The following ZNF280D variants were observed in gnomAD, a reference collection of about 807,000 sequenced individuals.
ZNF280D encodes the protein suppressor of hairy wing homolog 4.
A neutral mutation model predicts 94.7 loss-of-function variants in ZNF280D; 39 were observed. The observed-to-expected ratio is 0.41, with a 90% CI of 0.32 to 0.54. The LOEUF (loss-of-function observed/expected upper bound fraction) is 0.54, where lower values mean the gene tolerates loss of function less well. ZNF280D is among the 20% of genes least tolerant of loss of function. The pLI is 0.22. For synonymous variants in ZNF280D, 398 were observed against 377.6 expected (o/e 1.05, Z -0.63); for missense variants, 1,090 against 1,149.3 (o/e 0.95, Z 0.75).
At chr15:56,719,683 G>A (rs1286199779) in intron 1 of ZNF280D, among the ~76,000 whole-genome samples, 1 of 151,942 alleles carries the variant, frequency 6.6e-6, no homozygotes, top group Non-Finnish European at 1.5e-5. Context: ...CTCAAATTCA[G>A]TACATGCACA....
intron 9 of ZNF280D, among the ~76,000 whole-genome samples, chr15:56,688,232 TCTGTAATC>T (rs2056166136): frequency 6.6e-6 from 1 of 151,924 alleles, no homozygotes; most frequent in South Asian, 2.1e-4. Context: ...AAGCTCAAAT[TCTGTAATC>T]CCAGCACTTT....
At chr15:56,721,525 G>C (rs1341821721) in intron 1 of ZNF280D, among the ~76,000 whole-genome samples, 1 of 152,094 alleles carries the variant, frequency 6.6e-6, no homozygotes, top group Non-Finnish European at 1.5e-5. Flanking sequence ...ATTATCTTAG[G>C]TAGATCTCAT....
intron 9 of ZNF280D, among the ~76,000 whole-genome samples, chr15:56,683,430 A>T (rs1012763690): frequency 2.0e-5 from 3 of 152,172 alleles, no homozygotes; most frequent in Non-Finnish European, 4.4e-5. Context: ...TCAACTGGTC[A>T]TCTTTTATTC....
At chr15:56,633,725 G>A (rs978385982) in intron 21 of ZNF280D, among the ~76,000 whole-genome samples, 2 of 151,902 alleles carry the variant, frequency 1.3e-5, no homozygotes, top group Non-Finnish European at 2.9e-5. Context: ...TCCTGACCTC[G>A]TGATCCACCC....
intron 13 of ZNF280D, among the ~76,000 whole-genome samples, chr15:56,669,901 TAA>T (rs1491571975): frequency 0.01 from 50 of 4,844 alleles, 9 homozygotes; most frequent in African/African-American, 0.03. Context: ...TATATATATA[TAA>T]TATATATATA....
At chr15:56,716,736 T>C (rs1346480189) in intron 1 of ZNF280D, among the ~76,000 whole-genome samples, 1 of 152,128 alleles carries the variant, frequency 6.6e-6, no homozygotes, top group Admixed American at 6.6e-5. Context: ...TTTTACCCTA[T>C]TCTATACTAA....
intron 11 of ZNF280D, 99 bp downstream of exon 11, chr15:56,678,565 T>G: frequency 9.6e-6 from 11 of 1,145,482 alleles, no homozygotes; most frequent in Non-Finnish European, 1.2e-5. Flanking sequence ...CAAAGTCTAG[T>G]TCTCATTCTC....
chr15:56,669,647 G>C (rs2054539367), intron 13 of ZNF280D, among the ~76,000 whole-genome samples: 1 of 148,446 alleles, frequency 6.7e-6, no homozygotes, highest in African/African-American at 2.5e-5. Context: ...TGTGGATGAA[G>C]AGGCATAAAA....
Position 56,700,177 on chromosome 15 carries a change from T to C in ZNF280D, c.381+756A>G, listed in dbSNP as rs1159162895. The C allele has an allele frequency of 3.1e-6, 3 of 978,900 alleles. No individual in the cohort carries two copies. In the African/African-American group the frequency reaches 5.3e-5, roughly 17 times the overall value. 60.6% of individuals were successfully genotyped at this position (978,900 alleles called of 1,614,324 possible). ...GGCAATTCTTTCATGTCTAAAAAAG[T>C]GTACATTTATACACAACATATATGT... is the stretch of plus-strand genomic sequence containing the variant. On this transcript the variant is annotated intron_variant, in intron 6 of 21. Coordinates refer to ENST00000267807, the MANE Select transcript of ZNF280D (RefSeq NM_017661.4).
Position 56,631,451 on chromosome 15 carries a change from T to TCCAAATG in ZNF280D, c.*40_*46dup, listed in dbSNP as rs2052064286. 1 of 1,586,920 alleles carries TCCAAATG rather than the reference T, an allele frequency of 6.3e-7. No homozygotes were observed. The highest frequency in any genetic ancestry group is 8.6e-7 in the Non-Finnish European group (1 of 1,164,354). ...CACTGAGCTCACCTGATAGCACTGT[T>TCCAAATG]CCAAATGCCCTTATCGTTGGTACAC... On this transcript the variant is annotated 3_prime_UTR_variant, in exon 22 of 22. Coordinates refer to ENST00000267807, the MANE Select transcript of ZNF280D (RefSeq NM_017661.4).
At chr15:56,671,684 T>C (rs1299611894) in intron 13 of ZNF280D, among the ~76,000 whole-genome samples, 1 of 152,152 alleles carries the variant, frequency 6.6e-6, no homozygotes, top group Non-Finnish European at 1.5e-5. Flanking sequence ...ATATGAATTT[T>C]AAAATGGCTT....
At chr15:56,724,880 T>C (rs1596696252) in intron 1 of ZNF280D, 1 of 454,308 alleles carries the variant, frequency 2.2e-6, no homozygotes, top group Admixed American at 2.4e-5. Context: ...CAGATCTATT[T>C]TTTTTCTCAT....
intron 13 of ZNF280D, among the ~76,000 whole-genome samples, chr15:56,671,153 T>C (rs1322048534): frequency 6.6e-6 from 1 of 152,174 alleles, no homozygotes; most frequent in East Asian, 1.9e-4. Flanking sequence ...CAGTTTCTTT[T>C]GCTGTGCAGA....
intron 16 of ZNF280D, among the ~76,000 whole-genome samples, chr15:56,664,580 G>T (rs543603508): frequency 6.6e-6 from 1 of 152,148 alleles, no homozygotes; most frequent in East Asian, 1.9e-4. Context: ...TAAAAAGGAT[G>T]ACCTACAATT....
At position 56,707,062 on chromosome 15, in the gene ZNF280D, G is replaced by A. The variant is rs750933741; in HGVS notation, c.28+20C>T. On this transcript the variant is annotated intron_variant, in intron 3 of 21. Coordinates refer to ENST00000267807, the MANE Select transcript of ZNF280D (RefSeq NM_017661.4). ...ACAAAAGCCACATATATTAGTATTA[G>A]TTGTGGCAGCAACACTTACTTTTTG... The A allele has an allele frequency of 1.9e-6, 3 of 1,611,258 alleles. No individual in the cohort carries two copies. The highest frequency in any genetic ancestry group is 1.3e-5 in the African/African-American group (1 of 74,864).
intron 21 of ZNF280D, chr15:56,634,155 A>C (rs1451933811): frequency 6.6e-6 from 1 of 152,122 alleles, no homozygotes; most frequent in South Asian, 2.1e-4. Context: ...TCTGTCCACT[A>C]TATTTTGTAA....
chr15:56,699,903 A>G (rs1022432626), intron 6 of ZNF280D: 1 of 152,810 alleles, frequency 6.5e-6, no homozygotes, highest in Admixed American at 6.5e-5. Context: ...AATGTAGTTT[A>G]CTGTGAGTGC....
chr15:56,638,502 C>T (rs1376696774), intron 20 of ZNF280D, among the ~76,000 whole-genome samples: 1 of 152,096 alleles, frequency 6.6e-6, no homozygotes, highest in Admixed American at 6.6e-5. Flanking sequence ...CTGGGTGAGG[C>T]TGGGTATTCT....
At chr15:56,658,229 G>A (rs2053677952) in intron 17 of ZNF280D, among the ~76,000 whole-genome samples, 195 bp downstream of exon 17, 1 of 152,060 alleles carries the variant, frequency 6.6e-6, no homozygotes, top group Non-Finnish European at 1.5e-5. Context: ...ATGGGTACAG[G>A]GTTTCTTTCT....
Sources: allele counts gnomAD v4.1 joint callset (sites outside exome capture counted in the v4.1 genomes callset), GRCh38; gene constraint gnomAD v4.1.1; transcripts MANE v1.5; gene names NCBI Gene and HGNC (gene_info 2026-07-23, HGNC 2026-07-21).